The following CLSTN2 variants were observed in gnomAD, a reference collection of about 807,000 sequenced individuals.
CLSTN2 encodes the protein calsyntenin 2.
A neutral mutation model predicts 101.2 loss-of-function variants in CLSTN2; 48 were observed. The observed-to-expected ratio is 0.47, with a 90% confidence interval of 0.38 to 0.60. CLSTN2 has a LOEUF of 0.60. Ranked by LOEUF, CLSTN2 falls within the 20% of genes least tolerant of loss-of-function variation. The pLI is 0.00. For missense variants in CLSTN2, 1,160 were observed against 1,238.2 expected (o/e 0.94, Z 0.95); for synonymous variants, 481 against 463.6 (o/e 1.04, Z -0.48).
At chr3:140,498,783 C>T (rs141238079) in intron 8 of CLSTN2, among the ~76,000 whole-genome samples, 6 of 152,256 alleles carry the variant, frequency 3.9e-5, no homozygotes, top group South Asian at 2.1e-4. Context: ...GTTGTCACCA[C>T]CTCTTTACCA....
At chr3:139,988,917 G>A (rs765256591) in intron 1 of CLSTN2, among the ~76,000 whole-genome samples, 5 of 152,316 alleles carry the variant, frequency 3.3e-5, no homozygotes, top group African/African-American at 4.8e-5. Flanking sequence ...CTCCCAGTAA[G>A]CCGAAGGACA....
chr3:140,375,876 G>C (rs997923779), intron 2 of CLSTN2, among the ~76,000 whole-genome samples: 1 of 152,154 alleles, frequency 6.6e-6, no homozygotes, highest in African/African-American at 2.4e-5. Flanking sequence ...GAGGAAACTA[G>C]TTGTGAGGGT....
chr3:140,078,604 G>A (rs556867283), intron 1 of CLSTN2, among the ~76,000 whole-genome samples: 44 of 152,258 alleles, frequency 2.9e-4, no homozygotes, highest in African/African-American at 1.0e-3. Flanking sequence ...AAAAGAGGGC[G>A]GGAGTGACAG....
At chr3:140,011,314 C>A (rs966070540) in intron 1 of CLSTN2, among the ~76,000 whole-genome samples, 4 of 152,122 alleles carry the variant, frequency 2.6e-5, no homozygotes, top group African/African-American at 9.7e-5. Context: ...GGATGTCTTG[C>A]TTTAGGAAGT....
At chr3:140,195,237 T>C (rs988469680) in intron 2 of CLSTN2, among the ~76,000 whole-genome samples, 4 of 152,222 alleles carry the variant, frequency 2.6e-5, no homozygotes, top group South Asian at 4.1e-4. Context: ...TCCTAGCTCT[T>C]TGGCTAGAGA....
intron 2 of CLSTN2, among the ~76,000 whole-genome samples, chr3:140,213,495 C>T (rs2010883174): frequency 6.6e-6 from 1 of 152,210 alleles, no homozygotes; most frequent in Admixed American, 6.5e-5. Flanking sequence ...GAACCCAGGC[C>T]TTCTCTGCTG....
At chr3:140,559,844 A>G (rs1406727011) in intron 12 of CLSTN2, among the ~76,000 whole-genome samples, 1 of 152,170 alleles carries the variant, frequency 6.6e-6, no homozygotes, top group Non-Finnish European at 1.5e-5. Context: ...GGGGTACTCA[A>G]GAGACAGCCC....
At chr3:140,164,114 C>T (rs2010095635) in intron 1 of CLSTN2, among the ~76,000 whole-genome samples, 1 of 152,148 alleles carries the variant, frequency 6.6e-6, no homozygotes, top group Admixed American at 6.6e-5. Context: ...TGAGCTGACT[C>T]TAGCAAGTGA....
rs765529760 is a variant in CLSTN2 at position 140,566,095 on chromosome 3, G to A, written c.2710G>A (p.Glu904Lys). Residue 904 changes from glutamate (E) to lysine (K), a missense_variant, in exon 17 of 17, where the codon GAA becomes AAA. Physicochemically the swap from Glu to Lys is moderately conservative, Grantham distance 56 (BLOSUM62 1). Transcript: ENST00000458420. ...PGHGEDETEG[E>K]EEEEAEEEMS... is the part of the protein sequence containing the mutation. ...GCATGGGGAAGATGAGACTGAGGGA[G>A]AAGAGGAGGAAGAAGCCGAGGAAGA... 5 of 1,612,474 alleles carry A rather than the reference G, an allele frequency of 3.1e-6. No individual in the cohort carries two copies. In the East Asian group the frequency reaches 1.1e-4, roughly 36 times the overall value.
At chr3:140,493,697 C>G (rs1934394646) in intron 8 of CLSTN2, among the ~76,000 whole-genome samples, 1 of 152,208 alleles carries the variant, frequency 6.6e-6, no homozygotes, top group African/African-American at 2.4e-5. Context: ...CCTCTCTGTG[C>G]TAGGATCTGC....
chr3:139,955,039 T>C (rs2107811893), intron 1 of CLSTN2, among the ~76,000 whole-genome samples: 1 of 148,716 alleles, frequency 6.7e-6, no homozygotes, highest in South Asian at 2.1e-4. Context: ...ATATAACATA[T>C]ATATTAAATA....
chr3:140,160,366 A>T (rs1239746219), intron 1 of CLSTN2, among the ~76,000 whole-genome samples: 1 of 152,110 alleles, frequency 6.6e-6, no homozygotes, highest in African/African-American at 2.4e-5. Flanking sequence ...GCTTATAGGA[A>T]TTTTTTAGAC....
rs752845076 is a variant in CLSTN2, at chr3:140,459,674, C to T, written c.1127C>T (p.Thr376Ile). ...VPDGIVPKNLTDQFTITMWMK... is the reference protein window; with the variant it reads ...VPDGIVPKNLIDQFTITMWMK... The stretch of plus-strand genomic sequence containing the variant: ...GATGGGATTGTGCCCAAGAACCTGA[C>T]CGATCAGTTCACCATCACCATGTGG... The change falls in exon 7 of 17, where the codon ACC (threonine) becomes ATC (isoleucine). Residue 376 changes from threonine (T) to isoleucine (I), a missense_variant. Physicochemically the swap from Thr to Ile is moderately conservative, Grantham distance 89 (BLOSUM62 -1). Coordinates refer to ENST00000458420, the MANE Select transcript of CLSTN2 (RefSeq NM_022131.3). 1.2e-6 allele frequency: 2 copies of T among 1,614,146 alleles called. No individual in the cohort carries two copies. The highest frequency in any genetic ancestry group is 2.2e-5 in the East Asian group (1 of 44,856).
rs4683784 is a variant in CLSTN2, at chr3:140,003,345, G to T, written c.109+67862G>T. On this transcript the variant is annotated intron_variant, in intron 1 of 16. Transcript: ENST00000458420. ...GGATTACTTTTTAAATTTATTTTTC[G>T]TATTGTTCACTATTGACCTATAGAA... is the stretch of plus-strand genomic sequence containing the variant. Among the ~76,000 whole-genome samples the T allele has an allele frequency of 7.2e-5, 11 of 151,912 alleles. No homozygotes were observed. The East Asian group carries it at 2.1e-3, about 29-fold the overall frequency.
At chr3:140,188,467 G>A (rs546942924) in intron 2 of CLSTN2, among the ~76,000 whole-genome samples, 1 of 152,266 alleles carries the variant, frequency 6.6e-6, no homozygotes, top group Non-Finnish European at 1.5e-5. Flanking sequence ...ATTGCACCTT[G>A]CAGGGGTTAA....
intron 1 of CLSTN2, among the ~76,000 whole-genome samples, chr3:139,985,582 C>T (rs978949137): frequency 9.9e-5 from 15 of 152,270 alleles, no homozygotes; most frequent in African/African-American, 3.4e-4. Context: ...TATGTTCCCA[C>T]GTGCATTGTT....
intron 4 of CLSTN2, among the ~76,000 whole-genome samples, chr3:140,411,050 A>C (rs2088357517): frequency 6.6e-6 from 1 of 152,216 alleles, no homozygotes; most frequent in Admixed American, 6.5e-5. Context: ...AACAACCAGC[A>C]AAGGTTGACA....
intron 2 of CLSTN2, among the ~76,000 whole-genome samples, chr3:140,321,659 C>G (rs13075920): frequency 1.3e-5 from 2 of 152,096 alleles, no homozygotes; most frequent in African/African-American, 4.8e-5. Context: ...CACACCCCAC[C>G]AAAACCCTGG....
In CLSTN2 at chr3:140,126,746, A is replaced by G. The variant is rs535745633; in HGVS notation, c.110-49205A>G. 5.8e-4 allele frequency among the ~76,000 whole-genome samples: 88 copies of G among 152,232 alleles called. 1 individual carries two copies. Among genetic ancestry groups the G allele is most frequent in the African/African-American group, 2.1e-3 (88 of 41,540 alleles). On this transcript the variant is annotated intron_variant, in intron 1 of 16. Transcript: ENST00000458420. ...CATCTTTTTCAGCTTTATTCTTTCAAGCACCTTTGTATGCATTCATTTAAA... is the reference window on the plus strand; with the variant it reads ...CATCTTTTTCAGCTTTATTCTTTCAGGCACCTTTGTATGCATTCATTTAAA...
Sources: gnomAD v4.1 joint callset for allele counts (sites outside exome capture counted in the v4.1 genomes callset) on GRCh38, gnomAD v4.1.1 for gene constraint, MANE v1.5 for transcripts, NCBI Gene and HGNC (gene_info 2026-07-23, HGNC 2026-07-21) for gene names.